Variants in CFAP61 observed in about 807,000 individuals in gnomAD.
CFAP61 encodes cilia- and flagella-associated protein 61.
A neutral mutation model predicts 135.6 loss-of-function variants in CFAP61; 107 were observed. The observed-to-expected ratio is 0.79, with a 90% confidence interval of 0.67 to 0.93. The LOEUF is 0.93. Ranked by LOEUF, CFAP61 falls within the 40% of genes least tolerant of loss-of-function variation. The probability of loss-of-function intolerance (pLI) is 0.00; values close to 1 mark genes in which losing one functional copy is unlikely to be tolerated. For synonymous variants in CFAP61, 575 were observed against 578.5 expected (o/e 0.99, Z 0.09); for missense variants, 1,507 against 1,556.2 (o/e 0.97, Z 0.53).
intron 19 of CFAP61, among the ~76,000 whole-genome samples, chr20:20,247,303 G>C (rs926475668): frequency 6.6e-6 from 1 of 152,208 alleles, no homozygotes; most frequent in Non-Finnish European, 1.5e-5. Context: ...CGTAGTGAAA[G>C]TTTCCCTCAA....
chr20:20,100,412 A>G (rs2047939496), intron 8 of CFAP61, among the ~76,000 whole-genome samples: 1 of 152,110 alleles, frequency 6.6e-6, no homozygotes, highest in Non-Finnish European at 1.5e-5. Context: ...ACCTCAGGTG[A>G]TTTACCTGCC....
chr20:20,122,302 T>C (rs971602091), intron 8 of CFAP61, among the ~76,000 whole-genome samples: 7 of 152,012 alleles, frequency 4.6e-5, no homozygotes, highest in African/African-American at 1.7e-4. Context: ...ACTACAGGGG[T>C]GCACCACCAC....
At chr20:20,186,331 A>T (rs968821301) in intron 13 of CFAP61, among the ~76,000 whole-genome samples, 2 of 152,230 alleles carry the variant, frequency 1.3e-5, no homozygotes, top group East Asian at 1.9e-4. Flanking sequence ...AAGTTCATGC[A>T]TGTTGGAGTA....
At chr20:20,159,983 C>G (rs995477433) in intron 10 of CFAP61, among the ~76,000 whole-genome samples, 59 of 152,316 alleles carry the variant, frequency 3.9e-4, no homozygotes, top group African/African-American at 1.2e-3. Context: ...CCCTTCACCC[C>G]ACCCATGCCT....
chr20:20,297,040 C>A (rs746389153), intron 24 of CFAP61, among the ~76,000 whole-genome samples: 11 of 152,112 alleles, frequency 7.2e-5, no homozygotes, highest in Non-Finnish European at 1.5e-4. Flanking sequence ...CCCCCAAATG[C>A]CCAATCTCTC....
At chr20:20,052,726 C>A (rs762528371) in intron 1 of CFAP61, 135 bp downstream of exon 1, 5 of 1,600,802 alleles carry the variant, frequency 3.1e-6, no homozygotes, top group Non-Finnish European at 4.3e-6. Flanking sequence ...TGGCGCCCTG[C>A]AAGGGAGTAA....
At chr20:20,081,173 A>G (rs6035545) in intron 6 of CFAP61, among the ~76,000 whole-genome samples, 101,799 of 152,090 alleles carry the variant, frequency 0.67, 34,370 homozygotes, top group East Asian at 0.82. Flanking sequence ...TCATCCTACC[A>G]GATGATTAAA....
intron 17 of CFAP61, among the ~76,000 whole-genome samples, chr20:20,219,944 A>T (rs1601468454): frequency 6.6e-6 from 1 of 152,228 alleles, no homozygotes; most frequent in East Asian, 1.9e-4. Flanking sequence ...CCCCTGACAA[A>T]ACTCTGGTGC....
At chr20:20,126,692 C>T (rs1368133494) in intron 8 of CFAP61, among the ~76,000 whole-genome samples, 1 of 151,808 alleles carries the variant, frequency 6.6e-6, no homozygotes, top group Admixed American at 6.5e-5. Context: ...GACAGTTTGC[C>T]TAGGCAATGA....
At chr20:20,058,193 A>G (rs947949018) in intron 2 of CFAP61, among the ~76,000 whole-genome samples, 1 of 152,188 alleles carries the variant, frequency 6.6e-6, no homozygotes, top group African/African-American at 2.4e-5. Flanking sequence ...AATTGGCACA[A>G]TTTTACTAGA....
chr20:20,184,779 TG>T (rs2055382254), intron 13 of CFAP61: 2 of 152,244 alleles, frequency 1.3e-5, no homozygotes, highest in African/African-American at 4.8e-5. Context: ...TAGCACCTTC[TG>T]ATGAGATAGG....
At chr20:20,138,529 C>T (rs2051120366) in intron 8 of CFAP61, among the ~76,000 whole-genome samples, 1 of 151,760 alleles carries the variant, frequency 6.6e-6, no homozygotes, top group East Asian at 1.9e-4. Context: ...TGCACTTTCT[C>T]TCCCCAAGTG....
chr20:20,060,651 C>T (rs944572727), intron 2 of CFAP61, among the ~76,000 whole-genome samples: 5 of 152,324 alleles, frequency 3.3e-5, no homozygotes, highest in Middle Eastern at 3.4e-3. Flanking sequence ...CTGTCACTTA[C>T]GCCTTTGTGT....
chr20:20,316,236 C>T (rs1165115993), intron 25 of CFAP61, among the ~76,000 whole-genome samples: 4 of 152,086 alleles, frequency 2.6e-5, no homozygotes, highest in Non-Finnish European at 5.9e-5. Flanking sequence ...TTGTAGTTCT[C>T]CTTGAAGAGG....
In CFAP61 at chr20:20,056,743, T is replaced by G; in HGVS notation, c.90T>G (p.Leu30=). The change falls in exon 2 of 27, where the codon CTT becomes CTG. Residue 30 remains leucine (L), a synonymous_variant. Transcript: ENST00000245957. ...AGGATGTTTATTGTATCAAAAGCCT[T>G]ATTAGAAAATTTACCTGCAAGCTGT... is the stretch of plus-strand genomic sequence containing the variant. ...ESQDVYCIKS[L]IRKFTCKLFG... is the part of the protein sequence containing the mutation. 1.9e-6 allele frequency: 3 copies of G among 1,614,030 alleles called. No individual in the cohort carries two copies. The highest frequency in any genetic ancestry group is 2.5e-6 in the Non-Finnish European group (3 of 1,179,878).
chr20:20,294,912 G>T (rs1169441866), intron 24 of CFAP61, among the ~76,000 whole-genome samples: 1 of 149,478 alleles, frequency 6.7e-6, no homozygotes, highest in Non-Finnish European at 1.5e-5. Flanking sequence ...TCCGGCCTGG[G>T]CGACAGAGCG....
intron 25 of CFAP61, chr20:20,322,691 A>T: frequency 1.0e-6 from 1 of 985,406 alleles, no homozygotes; most frequent in Non-Finnish European, 1.2e-6. Context: ...AGAAATGGGA[A>T]CTACCCTCAG....
chr20:20,100,037 C>T (rs760243893), intron 8 of CFAP61, among the ~76,000 whole-genome samples: 1 of 152,154 alleles, frequency 6.6e-6, no homozygotes, highest in South Asian at 2.1e-4. Flanking sequence ...TGAAGCCTTG[C>T]TTGCCATGCT....
chr20:20,099,972 C>G (rs775063523), intron 8 of CFAP61, among the ~76,000 whole-genome samples: 8 of 152,080 alleles, frequency 5.3e-5, no homozygotes, highest in Non-Finnish European at 1.2e-4. Flanking sequence ...CCCTTTTGTG[C>G]TGATGATAAC....
Sources: allele counts gnomAD v4.1 joint callset (sites outside exome capture counted in the v4.1 genomes callset), GRCh38; gene constraint gnomAD v4.1.1; transcripts MANE v1.5; gene names NCBI Gene and HGNC (gene_info 2026-07-23, HGNC 2026-07-21).